The following DNAH14 variants were observed in gnomAD, a reference collection of about 807,000 sequenced individuals.
DNAH14 encodes the protein dynein axonemal heavy chain 14.
A neutral mutation model predicts 520.9 loss-of-function variants in DNAH14; 478 were observed. The observed-to-expected ratio is 0.92, with a 90% CI of 0.85 to 0.99. The LOEUF (loss-of-function observed/expected upper bound fraction) is 0.99, where lower values mean the gene tolerates loss of function less well. Among genes scored for constraint, DNAH14 ranks in the 50% least tolerant of loss-of-function variants. The probability of loss-of-function intolerance (pLI) is 0.00; values close to 1 mark genes in which losing one functional copy is unlikely to be tolerated. For synonymous variants in DNAH14, 1,581 were observed against 1,757.2 expected (o/e 0.90, Z 2.51); for missense variants, 4,831 against 5,234.5 (o/e 0.92, Z 2.38).
intron 38 of DNAH14, among the ~76,000 whole-genome samples, chr1:225,196,034 C>A (rs939179004): frequency 7.3e-5 from 11 of 151,368 alleles, no homozygotes; most frequent in Admixed American, 2.6e-4. Flanking sequence ...TTTTTATTTC[C>A]ATAGGTTATT....
At chr1:224,943,693 T>C (rs1246441218) in intron 1 of DNAH14, among the ~76,000 whole-genome samples, 4 of 152,230 alleles carry the variant, frequency 2.6e-5, no homozygotes, top group African/African-American at 9.6e-5. Context: ...TGGTATGTTA[T>C]GTCTTTGTTC....
intron 11 of DNAH14, 49 bp from the exon 12 acceptor site, chr1:225,038,645 G>C (rs1466055053): frequency 2.1e-5 from 31 of 1,479,858 alleles, no homozygotes; most frequent in Non-Finnish European, 2.7e-5. Context: ...TATATATGTA[G>C]ATATAAATGA....
At position 225,059,056 on chromosome 1, in the gene DNAH14, G is replaced by C. The variant is rs1044059417; in HGVS notation, c.2424+7261G>C. Among the ~76,000 whole-genome samples the C allele has an allele frequency of 7.4e-4, 113 of 152,214 alleles. 3 individuals carry two copies. Among genetic ancestry groups the C allele is most frequent in the Admixed American group, 2.0e-4 (3 of 15,284 alleles). ...GTCTATTAGGTCCGCTTGGTGCAGA[G>C]CTGAGTTCAATTGCTGGATATCCTT... On this transcript the variant is annotated intron_variant, in intron 17 of 85. Coordinates refer to ENST00000682510, the MANE Select transcript of DNAH14 (RefSeq NM_001367479.1).
rs766017329 is a variant in DNAH14, at chr1:224,968,795, C to G, written c.688C>G (p.Leu230Val). 2.1e-5 allele frequency: 32 copies of G among 1,535,754 alleles called. No homozygotes were observed. Among genetic ancestry groups the G allele is most frequent in the Non-Finnish European group, 2.8e-5 (32 of 1,139,894 alleles). The change falls in exon 7 of 86, where the codon CTC (leucine) becomes GTC (valine). Residue 230 changes from leucine to valine, a missense_variant. By Grantham distance (32) the Leu-to-Val change is conservative. Coordinates refer to ENST00000682510, the MANE Select transcript of DNAH14 (RefSeq NM_001367479.1). ...NIVGSVKEVE[L>V]IPTLEWLSER... The stretch of plus-strand genomic sequence containing the variant: ...AGTTGGTAGTGTAAAGGAAGTAGAA[C>G]TCATACCTACTTTGGAATGGCTATC...
chr1:225,287,376 A>G (rs1404698846), intron 54 of DNAH14, among the ~76,000 whole-genome samples: 1 of 152,194 alleles, frequency 6.6e-6, no homozygotes, highest in Admixed American at 6.6e-5. Context: ...TAACCATTCC[A>G]ATACCACAAT....
At chr1:225,159,733 T>C (rs1163445179) in intron 35 of DNAH14, among the ~76,000 whole-genome samples, 1 of 152,200 alleles carries the variant, frequency 6.6e-6, no homozygotes, top group African/African-American at 2.4e-5. Context: ...TATATTTTGT[T>C]TCTCAATTTT....
chr1:225,228,486 A>G (rs1217196669), intron 41 of DNAH14, among the ~76,000 whole-genome samples: 1 of 152,174 alleles, frequency 6.6e-6, no homozygotes, highest in Non-Finnish European at 1.5e-5. Flanking sequence ...ATTTAACAGC[A>G]GACGTAAGGC....
At chr1:224,982,179 A>G (rs974335018) in intron 8 of DNAH14, among the ~76,000 whole-genome samples, 3 of 152,160 alleles carry the variant, frequency 2.0e-5, no homozygotes, top group Admixed American at 1.3e-4. Context: ...TCTCTTAACC[A>G]TGTTAATTAT....
chr1:225,177,166 T>C (rs1216259936), intron 36 of DNAH14, among the ~76,000 whole-genome samples: 6 of 152,214 alleles, frequency 3.9e-5, no homozygotes, highest in Non-Finnish European at 8.8e-5. Flanking sequence ...GTGACTCTTG[T>C]TAAGTTTTAA....
At chr1:225,066,007 A>G (rs547258867) in intron 17 of DNAH14, among the ~76,000 whole-genome samples, 2 of 152,158 alleles carry the variant, frequency 1.3e-5, no homozygotes, top group South Asian at 4.1e-4. Flanking sequence ...TTCTTTCTCC[A>G]AATCCTTGCC....
intron 11 of DNAH14, among the ~76,000 whole-genome samples, chr1:225,027,351 TAC>T (rs930986448): frequency 6.6e-6 from 1 of 152,186 alleles, no homozygotes; most frequent in Non-Finnish European, 1.5e-5. Context: ...GAGGAAAACA[TAC>T]AGTCTTTCAT....
chr1:225,326,538 C>T (rs1246177491), intron 64 of DNAH14, among the ~76,000 whole-genome samples: 1 of 152,034 alleles, frequency 6.6e-6, no homozygotes, highest in Non-Finnish European at 1.5e-5. Flanking sequence ...GCAATCACTA[C>T]AGAAATACGT....
intron 34 of DNAH14, among the ~76,000 whole-genome samples, chr1:225,158,040 T>C (rs1480956876): frequency 6.6e-6 from 1 of 152,170 alleles, no homozygotes; most frequent in African/African-American, 2.4e-5. Flanking sequence ...GAAGAGAAGA[T>C]TTTGAATATT....
In DNAH14 at chr1:225,338,093, G is replaced by A; in HGVS notation, c.10344G>A (p.Lys3448=). The change falls in exon 68 of 86, where the codon AAG becomes AAA. Residue 3448 remains lysine (K), a synonymous_variant. Coordinates refer to ENST00000682510, the MANE Select transcript of DNAH14 (RefSeq NM_001367479.1). ...NLLETLAPGL[K]AILKKDIYQK... ...TTGAGACATTAGCTCCAGGCTTAAAGGCAATTCTGAAAAAGGATATCTATC... is the reference window on the plus strand; with the variant it reads ...TTGAGACATTAGCTCCAGGCTTAAAAGCAATTCTGAAAAAGGATATCTATC... The A allele has an allele frequency of 6.4e-7, 1 of 1,550,656 alleles. No homozygotes were observed. Among genetic ancestry groups the A allele is most frequent in the South Asian group, 1.2e-5 (1 of 83,844 alleles).
chr1:225,247,483 G>A (rs978334835), intron 43 of DNAH14, among the ~76,000 whole-genome samples: 2 of 152,104 alleles, frequency 1.3e-5, no homozygotes, highest in Non-Finnish European at 2.9e-5. Flanking sequence ...GAAACCTAGA[G>A]AAGAAAAAGA....
chr1:225,202,883 C>T (rs986193908), intron 38 of DNAH14, among the ~76,000 whole-genome samples: 7 of 152,210 alleles, frequency 4.6e-5, no homozygotes, highest in Non-Finnish European at 1.0e-4. Context: ...TCCTCTACCC[C>T]TGTATTTTGC....
chr1:225,381,035 A>G (rs962357232), intron 80 of DNAH14, among the ~76,000 whole-genome samples: 1 of 152,244 alleles, frequency 6.6e-6, no homozygotes, highest in Non-Finnish European at 1.5e-5. Context: ...AAAAGAAGGA[A>G]TATAGTTTGT....
rs2062254774 is a variant in DNAH14 at position 224,981,360 on chromosome 1, G to A, written c.830+7207G>A. Among the ~76,000 whole-genome samples the A allele has an allele frequency of 2.0e-5, 3 of 152,154 alleles. No individual in the cohort carries two copies. The South Asian group carries it at 6.2e-4, about 32-fold the overall frequency. On this transcript the variant is annotated intron_variant, in intron 8 of 85. Coordinates refer to ENST00000682510, the MANE Select transcript of DNAH14 (RefSeq NM_001367479.1). ...CTTGTGGAATAGTGTCAAAAGGATT[G>A]GTATCAATTATTCTTTTAATGTCTG...
chr1:225,113,200 TACCC>T (rs2076609717), intron 23 of DNAH14, among the ~76,000 whole-genome samples: 1 of 152,146 alleles, frequency 6.6e-6, no homozygotes, highest in Non-Finnish European at 1.5e-5. Context: ...CATTAGGGAG[TACCC>T]AAAGCTCAGT....
Sources: allele counts gnomAD v4.1 joint callset (sites outside exome capture counted in the v4.1 genomes callset), GRCh38; gene constraint gnomAD v4.1.1; transcripts MANE v1.5; gene names NCBI Gene and HGNC (gene_info 2026-07-23, HGNC 2026-07-21).